HSD17B12: variants seen among roughly 807,000 people sequenced by gnomAD.
The protein encoded by HSD17B12 is very-long-chain 3-oxoacyl-CoA reductase.
Under a neutral mutation model 39.3 loss-of-function variants are expected in HSD17B12, and 32 were observed. That is an observed-to-expected ratio of 0.81 (90% CI 0.61 to 1.09). The LOEUF (loss-of-function observed/expected upper bound fraction) is 1.09, where lower values mean the gene tolerates loss of function less well. HSD17B12 is among the 50% of genes least tolerant of loss of function. The pLI is 0.00. For missense variants in HSD17B12, 342 were observed against 382.9 expected (o/e 0.89, Z 0.89); for synonymous variants, 150 against 146.7 (o/e 1.02, Z -0.16).
chr11:43,792,900 A>T (rs565645914), intron 3 of HSD17B12, among the ~76,000 whole-genome samples: 1 of 151,994 alleles, frequency 6.6e-6, no homozygotes, highest in Admixed American at 6.6e-5. Context: ...TGTAATTTCT[A>T]TAGGGAGGAA....
intron 3 of HSD17B12, among the ~76,000 whole-genome samples, chr11:43,790,724 G>A (rs1245616306): frequency 6.6e-6 from 1 of 152,250 alleles, no homozygotes; most frequent in East Asian, 1.9e-4. Flanking sequence ...AGGCACAGTG[G>A]CTTACGCCTG....
chr11:43,770,598 T>C (rs114233839), intron 3 of HSD17B12, among the ~76,000 whole-genome samples: 5,697 of 152,176 alleles, frequency 0.037, 347 homozygotes, highest in African/African-American at 0.13. Context: ...CAGCCAGGCT[T>C]GATGGTGTGC....
chr11:43,700,065 G>C (rs1385025527), intron 1 of HSD17B12, among the ~76,000 whole-genome samples: 1 of 152,078 alleles, frequency 6.6e-6, no homozygotes, highest in Admixed American at 6.6e-5. Flanking sequence ...GGGAAGTTTG[G>C]GTATTTATAC....
intron 3 of HSD17B12, among the ~76,000 whole-genome samples, chr11:43,787,518 C>T (rs1178409126): frequency 2.6e-5 from 4 of 151,884 alleles, no homozygotes; most frequent in Non-Finnish European, 5.9e-5. Flanking sequence ...GGGTAGATCA[C>T]CTGAGGTCAG....
chr11:43,808,300 T>G (rs1951038130), intron 4 of HSD17B12, among the ~76,000 whole-genome samples: 1 of 152,066 alleles, frequency 6.6e-6, no homozygotes, highest in African/African-American at 2.4e-5. Context: ...ATTTTTTTTT[T>G]TTTTTTAATG....
chr11:43,853,909 A>G (rs2135152506), intron 9 of HSD17B12: 1 of 152,350 alleles, frequency 6.6e-6, no homozygotes, highest in East Asian at 1.9e-4. Context: ...AAACTACAGA[A>G]GGACCTCTTG....
chr11:43,838,452 G>A, intron 8 of HSD17B12, 54 bp downstream of exon 8: 2 of 1,301,912 alleles, frequency 1.5e-6, no homozygotes, highest in Admixed American at 3.4e-5. Flanking sequence ...GTAATTTTTA[G>A]TCTGAGAAAT....
chr11:43,785,977 T>A (rs1209091012), intron 3 of HSD17B12, among the ~76,000 whole-genome samples: 1 of 152,208 alleles, frequency 6.6e-6, no homozygotes, highest in African/African-American at 2.4e-5. Context: ...CTTAAGCTGA[T>A]GGGGGTGGAT....
Position 43,799,682 on chromosome 11 carries a change from G to A in HSD17B12, c.391+1255G>A, listed in dbSNP as rs1431232977. 2.6e-5 allele frequency among the ~76,000 whole-genome samples: 4 copies of A among 152,118 alleles called. 1 individual carries two copies. The highest frequency in any genetic ancestry group is 2.6e-4 in the Admixed American group (4 of 15,262). On this transcript the variant is annotated intron_variant, in intron 4 of 10. Coordinates refer to ENST00000278353, the MANE Select transcript of HSD17B12 (RefSeq NM_016142.3). ...TTGTTTGTTTAGTTGGGCTATAAAA[G>A]TTGGATAAATTAAGATAATTTTTAA...
rs547613231 is a variant in HSD17B12 at position 43,819,458 on chromosome 11, G to A, written c.501+3067G>A. ...GATCAGCATATTCAGTGGTCATTAC[G>A]GTGAGTCTCTGCTTAAAGACCAAAT... On this transcript the variant is annotated intron_variant, in intron 6 of 10. Transcript: ENST00000278353. Among the ~76,000 whole-genome samples the A allele has an allele frequency of 9.2e-5, 14 of 152,186 alleles. No homozygotes were observed. The South Asian group carries it at 1.4e-3, about 16-fold the overall frequency.
At chr11:43,678,512 C>A (rs1053329756), upstream of HSD17B12, among the ~76,000 whole-genome samples, 2 of 152,174 alleles carry the variant, frequency 1.3e-5, no homozygotes, top group Non-Finnish European at 2.9e-5. Flanking sequence ...CTTGCCCATG[C>A]CTATGTCCTG....
At chr11:43,676,199 G>A (rs1463001346), upstream of HSD17B12, among the ~76,000 whole-genome samples, 1 of 124,198 alleles carries the variant, frequency 8.1e-6, no homozygotes, top group Non-Finnish European at 1.7e-5. Flanking sequence ...GGAATGAAAA[G>A]AGGAAGAGGG....
chr11:43,563,209 A>G, the HSD17B12 span, among the ~76,000 whole-genome samples: 1 of 152,190 alleles, frequency 6.6e-6, no homozygotes, highest in Non-Finnish European at 1.5e-5. Context: ...AAGGCCATAC[A>G]CTAGATTCTC....
intron 4 of HSD17B12, among the ~76,000 whole-genome samples, chr11:43,809,335 T>C (rs1175677371): frequency 6.6e-6 from 1 of 152,190 alleles, no homozygotes; most frequent in African/African-American, 2.4e-5. Context: ...AGTTTCTTGT[T>C]AGGAGCTGGT....
chr11:43,736,018 A>G (rs1443155921), intron 1 of HSD17B12, among the ~76,000 whole-genome samples: 1 of 152,248 alleles, frequency 6.6e-6, no homozygotes, highest in Non-Finnish European at 1.5e-5. Flanking sequence ...TCCCAAAGGA[A>G]GCCACAAAGT....
the HSD17B12 span, among the ~76,000 whole-genome samples, chr11:43,657,888 G>T: frequency 6.6e-6 from 1 of 152,176 alleles, no homozygotes; most frequent in Non-Finnish European, 1.5e-5. Flanking sequence ...TCTTGGAGTT[G>T]CTCTTCTTGA....
intron 6 of HSD17B12, among the ~76,000 whole-genome samples, chr11:43,829,513 A>C (rs1386612152): frequency 6.6e-6 from 1 of 152,200 alleles, no homozygotes; most frequent in Non-Finnish European, 1.5e-5. Flanking sequence ...TGCATATGGT[A>C]TAAGGGAAAA....
At chr11:43,735,281 T>C (rs1950306536) in intron 1 of HSD17B12, among the ~76,000 whole-genome samples, 1 of 152,214 alleles carries the variant, frequency 6.6e-6, no homozygotes, top group Non-Finnish European at 1.5e-5. Context: ...TTGGGGGCTA[T>C]ATACCTAGGA....
chr11:43,647,179 A>G, the HSD17B12 span, among the ~76,000 whole-genome samples: 1 of 152,238 alleles, frequency 6.6e-6, no homozygotes. Flanking sequence ...TGGAGACTCC[A>G]AGAAGGGAAC....
Sources: gnomAD v4.1 joint callset for allele counts (sites outside exome capture counted in the v4.1 genomes callset) on GRCh38, gnomAD v4.1.1 for gene constraint, MANE v1.5 for transcripts, NCBI Gene and HGNC (gene_info 2026-07-23, HGNC 2026-07-21) for gene names.